TENM2: variants seen among roughly 807,000 people sequenced by gnomAD.
TENM2 encodes the protein teneurin transmembrane protein 2, also known as teneurin-2.
In TENM2, 52 loss-of-function variants were observed where a neutral mutation model predicts 245.2. The observed-to-expected ratio is 0.21, with a 90% confidence interval of 0.17 to 0.27. The LOEUF (loss-of-function observed/expected upper bound fraction) is 0.27, where lower values mean the gene tolerates loss of function less well. TENM2 is among the 10% of genes least tolerant of loss of function. The pLI, the probability that TENM2 is intolerant of heterozygous loss-of-function variation, is 1.00. For missense variants in TENM2, 3,046 were observed against 3,666.8 expected (o/e 0.83, Z 4.37); for synonymous variants, 1,363 against 1,438.9 (o/e 0.95, Z 1.19).
the TENM2 span, among the ~76,000 whole-genome samples, chr5:167,176,591 T>C: frequency 1.3e-5 from 2 of 152,206 alleles, no homozygotes; most frequent in Admixed American, 6.5e-5. Flanking sequence ...AAGTATCACA[T>C]GGGTGAATCA....
intron 25 of TENM2, among the ~76,000 whole-genome samples, chr5:168,238,222 A>AAGAAAAGAAAAG (rs1277910573): frequency 0.014 from 515 of 37,842 alleles, 26 homozygotes; most frequent in Middle Eastern, 0.047. Context: ...AGGGAGAGAG[A>AAGAAAAGAAAAG]AGAAAAGAAA....
At chr5:166,996,206 G>C in the TENM2 span, among the ~76,000 whole-genome samples, 1 of 152,068 alleles carries the variant, frequency 6.6e-6, no homozygotes, top group Non-Finnish European at 1.5e-5. Context: ...AGCCGGGCGT[G>C]GTGGCGGGCG....
the TENM2 span, among the ~76,000 whole-genome samples, chr5:167,159,974 A>G: frequency 6.6e-6 from 1 of 152,166 alleles, no homozygotes; most frequent in African/African-American, 2.4e-5. Flanking sequence ...AATGTACAAG[A>G]CTCAAAAGGT....
chr5:167,818,058 C>T (rs13190561), intron 2 of TENM2, among the ~76,000 whole-genome samples: 5 of 152,098 alleles, frequency 3.3e-5, no homozygotes, highest in African/African-American at 1.2e-4. Context: ...AAACAGCAGC[C>T]CTGTTTTGGG....
upstream of TENM2, among the ~76,000 whole-genome samples, chr5:167,280,748 ATCTGTCTG>A (rs77482566): frequency 7.6e-6 from 1 of 132,212 alleles, no homozygotes; most frequent in Non-Finnish European, 1.6e-5. Flanking sequence ...CTGTCTGTCT[ATCTGTCTG>A]TCTATCTATC....
At chr5:167,714,992 A>G (rs1759164915) in intron 2 of TENM2, among the ~76,000 whole-genome samples, 1 of 152,176 alleles carries the variant, frequency 6.6e-6, no homozygotes, top group Non-Finnish European at 1.5e-5. Flanking sequence ...TTTAAATGGA[A>G]TACTCTCTCT....
chr5:167,431,827 A>G (rs539022854), intron 2 of TENM2, among the ~76,000 whole-genome samples: 11 of 151,076 alleles, frequency 7.3e-5, no homozygotes, highest in South Asian at 6.3e-4. Context: ...TCATATGAAT[A>G]AAATAGGAAT....
In TENM2 at chr5:168,261,343, T is replaced by G. The variant is rs147071972; in HGVS notation, c.7564-706T>G. Among the ~76,000 whole-genome samples the G allele has an allele frequency of 3.9e-3, 597 of 152,282 alleles. 2 individuals are homozygous for G. Among genetic ancestry groups the G allele is most frequent in the African/African-American group, 0.014 (569 of 41,556 alleles). ...ACAACTGCCTCAAAGCCAGGGGATA[T>G]TCCCTCTGGCCCTCAAAGCCTGACT... is the stretch of plus-strand genomic sequence containing the variant. On this transcript the variant is annotated intron_variant, in intron 28 of 28. Transcript: ENST00000518659.
intron 2 of TENM2, among the ~76,000 whole-genome samples, chr5:167,860,753 G>C (rs1771714428): frequency 1.6e-5 from 1 of 61,974 alleles, no homozygotes; most frequent in African/African-American, 6.8e-5. Context: ...CCCCAACCCT[G>C]TGCTCTCTGA....
intron 2 of TENM2, among the ~76,000 whole-genome samples, chr5:167,503,442 G>A (rs1486098110): frequency 6.6e-6 from 1 of 151,646 alleles, no homozygotes; most frequent in Non-Finnish European, 1.5e-5. Context: ...AGAAAAGGAA[G>A]GAAGAGAAAG....
At chr5:167,719,111 A>C (rs900819015) in intron 2 of TENM2, among the ~76,000 whole-genome samples, 1 of 152,226 alleles carries the variant, frequency 6.6e-6, no homozygotes, top group Non-Finnish European at 1.5e-5. Context: ...AAAGATGTCT[A>C]CCCATAAAAG....
chr5:167,008,422 C>T, the TENM2 span, among the ~76,000 whole-genome samples: 67 of 152,314 alleles, frequency 4.4e-4, no homozygotes, highest in African/African-American at 1.5e-3. Context: ...TGTTTTCCTA[C>T]ACTCTTAGCA....
chr5:167,036,246 G>A, the TENM2 span, among the ~76,000 whole-genome samples: 1 of 152,236 alleles, frequency 6.6e-6, no homozygotes, highest in Middle Eastern at 3.4e-3. Flanking sequence ...CCTGAGACGG[G>A]GTCCAGCTTG....
At chr5:167,884,101 G>A (rs1302751419) in intron 3 of TENM2, among the ~76,000 whole-genome samples, 1 of 152,006 alleles carries the variant, frequency 6.6e-6, no homozygotes, top group African/African-American at 2.4e-5. Flanking sequence ...ACAACAATAA[G>A]TGTCTACAAG....
chr5:167,629,723 G>C (rs1778740335), intron 2 of TENM2, among the ~76,000 whole-genome samples: 1 of 152,200 alleles, frequency 6.6e-6, no homozygotes, highest in Non-Finnish European at 1.5e-5. Flanking sequence ...GTGTTATAGA[G>C]AGAGTCAACT....
chr5:167,199,400 G>A, the TENM2 span, among the ~76,000 whole-genome samples: 4 of 151,952 alleles, frequency 2.6e-5, no homozygotes, highest in East Asian at 1.9e-4. Flanking sequence ...TCAAATTTGC[G>A]GTCAACTTCT....
intron 2 of TENM2, among the ~76,000 whole-genome samples, chr5:167,625,995 ATGACC>A (rs1157499329): frequency 6.6e-6 from 1 of 152,160 alleles, no homozygotes; most frequent in Non-Finnish European, 1.5e-5. Context: ...CATCTCTTCT[ATGACC>A]CAACCTTGGG....
intron 3 of TENM2, among the ~76,000 whole-genome samples, chr5:167,877,800 C>T (rs1472168239): frequency 2.0e-5 from 3 of 152,162 alleles, no homozygotes; most frequent in Non-Finnish European, 4.4e-5. Context: ...TCCCTTTTTA[C>T]TTTCATCAGA....
intron 2 of TENM2, among the ~76,000 whole-genome samples, chr5:167,410,344 A>T (rs1451601970): frequency 1.3e-5 from 2 of 152,068 alleles, no homozygotes; most frequent in Admixed American, 1.3e-4. Context: ...TATGGTGCTC[A>T]GAATCATCTT....
Sources: gnomAD v4.1 joint callset for allele counts (sites outside exome capture counted in the v4.1 genomes callset) on GRCh38, gnomAD v4.1.1 for gene constraint, MANE v1.5 for transcripts, NCBI Gene and HGNC (gene_info 2026-07-23, HGNC 2026-07-21) for gene names.